NRXN1: variants seen among roughly 807,000 people sequenced by gnomAD.
The protein encoded by NRXN1 is neurexin-1.
Under a neutral mutation model 150.9 loss-of-function variants are expected in NRXN1, and 39 were observed. The observed-to-expected ratio is 0.26, with a 90% CI of 0.20 to 0.34. The LOEUF (loss-of-function observed/expected upper bound fraction) is 0.34, where lower values mean the gene tolerates loss of function less well. Ranked by LOEUF, NRXN1 falls within the 10% of genes least tolerant of loss-of-function variation. NRXN1 has a pLI of 1.00. For missense variants in NRXN1, 1,815 were observed against 1,949.9 expected (o/e 0.93, Z 1.30); for synonymous variants, 924 against 757.0 (o/e 1.22, Z -3.62).
intron 17 of NRXN1, among the ~76,000 whole-genome samples, chr2:50,304,914 AC>A (rs2074476837): frequency 6.6e-6 from 1 of 151,984 alleles, no homozygotes; most frequent in African/African-American, 2.4e-5. Flanking sequence ...ACATGTTGAA[AC>A]CCCGTGTCTA....
Position 50,664,111 on chromosome 2 carries a change from C to T in NRXN1, c.833-40496G>A, listed in dbSNP as rs554551819. On this transcript the variant is annotated intron_variant, in intron 5 of 22. Coordinates refer to ENST00000401669, the MANE Select transcript of NRXN1 (RefSeq NM_001330078.2). ...CTTACAGTCTATTATGGCAGACAGACGACAAATGCACAATTAAACAAACCA... is the reference window on the plus strand; with the variant it reads ...CTTACAGTCTATTATGGCAGACAGATGACAAATGCACAATTAAACAAACCA... Among the ~76,000 whole-genome samples the T allele has an allele frequency of 1.2e-4, 18 of 151,972 alleles. No individual in the cohort carries two copies. In the Middle Eastern group the frequency reaches 0.01, roughly 86 times the overall value.
intron 5 of NRXN1, among the ~76,000 whole-genome samples, chr2:50,658,947 AG>A (rs1389933678): frequency 1.3e-5 from 2 of 152,050 alleles, no homozygotes; most frequent in African/African-American, 4.8e-5. Flanking sequence ...GGGTAGGCAT[AG>A]GTATTTGAGA....
At chr2:50,635,846 G>A (rs377721797) in intron 5 of NRXN1, among the ~76,000 whole-genome samples, 1 of 152,104 alleles carries the variant, frequency 6.6e-6, no homozygotes, top group African/African-American at 2.4e-5. Flanking sequence ...AGGTTAACTG[G>A]CCAGTTTAGG....
intron 17 of NRXN1, among the ~76,000 whole-genome samples, chr2:50,425,699 A>G (rs2084421553): frequency 1.3e-5 from 2 of 152,204 alleles, no homozygotes; most frequent in South Asian, 4.1e-4. Flanking sequence ...GCTCCATGTT[A>G]TATATTTAAC....
At chr2:50,484,351 C>A (rs959444209) in intron 15 of NRXN1, among the ~76,000 whole-genome samples, 2 of 152,100 alleles carry the variant, frequency 1.3e-5, no homozygotes, top group African/African-American at 4.8e-5. Context: ...CATCCAGTTG[C>A]TATAGTGTAA....
chr2:50,205,438 G>T (rs1416157314), intron 18 of NRXN1, among the ~76,000 whole-genome samples: 1 of 152,072 alleles, frequency 6.6e-6, no homozygotes, highest in Non-Finnish European at 1.5e-5. Context: ...CATGAAGGCA[G>T]TAACTCTAAT....
At chr2:50,752,856 T>G (rs1700754996) in intron 5 of NRXN1, among the ~76,000 whole-genome samples, 1 of 151,996 alleles carries the variant, frequency 6.6e-6, no homozygotes, top group Admixed American at 6.6e-5. Context: ...TCCCGTTCTC[T>G]GCAATTTATT....
intron 5 of NRXN1, among the ~76,000 whole-genome samples, chr2:50,761,425 C>T (rs1416700600): frequency 1.3e-5 from 2 of 151,846 alleles, no homozygotes; most frequent in African/African-American, 4.8e-5. Context: ...GGCAGTTCCC[C>T]TGCACACACT....
intron 8 of NRXN1, among the ~76,000 whole-genome samples, chr2:50,578,869 T>C (rs1033774565): frequency 1.3e-5 from 2 of 152,100 alleles, no homozygotes; most frequent in East Asian, 1.9e-4. Context: ...TGGAAAGGCA[T>C]TGATGAGAAT....
chr2:50,844,767 C>T (rs1277348550), intron 5 of NRXN1, among the ~76,000 whole-genome samples: 1 of 152,136 alleles, frequency 6.6e-6, no homozygotes, highest in Non-Finnish European at 1.5e-5. Context: ...CTACCAGAGG[C>T]CAGAGCAAGT....
chr2:49,986,587 TAA>T (rs1470504218), intron 21 of NRXN1, among the ~76,000 whole-genome samples: 3 of 152,114 alleles, frequency 2.0e-5, no homozygotes, highest in Non-Finnish European at 2.9e-5. Context: ...ATGAAAAGGG[TAA>T]AGTTTTTTCT....
intron 17 of NRXN1, among the ~76,000 whole-genome samples, chr2:50,396,294 T>C (rs939736917): frequency 6.6e-6 from 1 of 152,212 alleles, no homozygotes; most frequent in Non-Finnish European, 1.5e-5. Flanking sequence ...TTAGACTTCA[T>C]TATTGTCAAT....
chr2:50,265,746 A>T (rs1213491148), intron 17 of NRXN1, among the ~76,000 whole-genome samples: 1 of 152,114 alleles, frequency 6.6e-6, no homozygotes, highest in Non-Finnish European at 1.5e-5. Context: ...TCATCTTCCG[A>T]GCATATGTCC....
intron 11 of NRXN1, among the ~76,000 whole-genome samples, chr2:50,529,978 C>A (rs901176881): frequency 2.0e-5 from 3 of 152,152 alleles, no homozygotes; most frequent in Admixed American, 6.6e-5. Context: ...TTCTGCCCAG[C>A]ACAATTTGAA....
chr2:50,405,962 T>C (rs1182495051), intron 17 of NRXN1, among the ~76,000 whole-genome samples: 1 of 152,178 alleles, frequency 6.6e-6, no homozygotes, highest in Non-Finnish European at 1.5e-5. Flanking sequence ...CATTGTTTTA[T>C]AGATGAGGAA....
chr2:50,799,624 CAAT>C (rs1227680463), intron 5 of NRXN1, among the ~76,000 whole-genome samples: 1 of 152,118 alleles, frequency 6.6e-6, no homozygotes, highest in African/African-American at 2.4e-5. Context: ...GTACAGTATT[CAAT>C]AAATTACATG....
At chr2:50,024,464 A>G (rs1031274004) in intron 21 of NRXN1, among the ~76,000 whole-genome samples, 1 of 152,312 alleles carries the variant, frequency 6.6e-6, no homozygotes, top group Non-Finnish European at 1.5e-5. Flanking sequence ...TATATGTGCT[A>G]TCTTATAGGA....
chr2:50,688,402 T>C (rs1191478889), intron 5 of NRXN1, among the ~76,000 whole-genome samples: 1 of 152,166 alleles, frequency 6.6e-6, no homozygotes, highest in Non-Finnish European at 1.5e-5. Flanking sequence ...AGAGCCCTCC[T>C]TATATACCTT....
At chr2:50,527,468 G>C (rs911133262) in intron 12 of NRXN1, among the ~76,000 whole-genome samples, 1 of 151,424 alleles carries the variant, frequency 6.6e-6, no homozygotes, top group Admixed American at 6.6e-5. Flanking sequence ...TAAATGCCTG[G>C]GATATTGGTT....
Sources: allele counts gnomAD v4.1 joint callset (sites outside exome capture counted in the v4.1 genomes callset), GRCh38; gene constraint gnomAD v4.1.1; transcripts MANE v1.5; gene names NCBI Gene and HGNC (gene_info 2026-07-23, HGNC 2026-07-21).